The following CEP63 variants were observed in gnomAD, a reference collection of about 807,000 sequenced individuals.
The protein encoded by CEP63 is centrosomal protein of 63 kDa.
In CEP63, 84 loss-of-function variants were observed where a neutral mutation model predicts 89.1. That is an observed-to-expected ratio of 0.94 (90% CI 0.79 to 1.13). The LOEUF is 1.13. CEP63 is among the 50% of genes most tolerant of loss of function. The pLI, the probability that CEP63 is intolerant of heterozygous loss-of-function variation, is 0.00. For missense variants in CEP63, 838 were observed against 813.3 expected (o/e 1.03, Z -0.37); for synonymous variants, 267 against 272.5 (o/e 0.98, Z 0.20).
chr3:134,664,801 G>T, the CEP63 span, among the ~76,000 whole-genome samples: 1 of 151,988 alleles, frequency 6.6e-6, no homozygotes, highest in Non-Finnish European at 1.5e-5. Flanking sequence ...TGAGTAATGG[G>T]TATATTGATT....
chr3:134,749,329 C>T, the CEP63 span, among the ~76,000 whole-genome samples: 2 of 152,114 alleles, frequency 1.3e-5, no homozygotes, highest in Non-Finnish European at 2.9e-5. Flanking sequence ...CTCTGAGTAT[C>T]ACCAGATCAG....
At chr3:134,707,465 G>A in the CEP63 span, among the ~76,000 whole-genome samples, 3 of 152,194 alleles carry the variant, frequency 2.0e-5, no homozygotes, top group African/African-American at 4.8e-5. Flanking sequence ...AAAAGCAAGA[G>A]GAGATAAGGG....
At chr3:134,608,722 G>A in the CEP63 span, 1 of 1,614,052 alleles carries the variant, frequency 6.2e-7, no homozygotes, top group South Asian at 1.1e-5. Flanking sequence ...TGTGATACAT[G>A]TTGTTCTCAA....
the CEP63 span, among the ~76,000 whole-genome samples, chr3:134,593,578 C>T: frequency 6.6e-6 from 1 of 152,184 alleles, no homozygotes; most frequent in African/African-American, 2.4e-5. Flanking sequence ...TCCCCAGGCT[C>T]ATGACTGCCA....
At chr3:134,613,808 A>G in the CEP63 span, among the ~76,000 whole-genome samples, 1 of 152,168 alleles carries the variant, frequency 6.6e-6, no homozygotes, top group Admixed American at 6.5e-5. Context: ...CTCATGCAAA[A>G]TCCTCTGTAT....
chr3:134,778,242 C>T, the CEP63 span, among the ~76,000 whole-genome samples: 12 of 151,532 alleles, frequency 7.9e-5, no homozygotes, highest in African/African-American at 2.7e-4. Flanking sequence ...GGATTACAGA[C>T]GTGCACCACC....
intron 6 of CEP63, among the ~76,000 whole-genome samples, chr3:134,543,087 T>A (rs1952389717): frequency 6.6e-6 from 1 of 152,226 alleles, no homozygotes; most frequent in Non-Finnish European, 1.5e-5. Context: ...ATTAGTGTAG[T>A]GCTAATAGAT....
chr3:134,719,170 T>A, the CEP63 span, among the ~76,000 whole-genome samples: 2 of 152,110 alleles, frequency 1.3e-5, no homozygotes, highest in African/African-American at 4.8e-5. Flanking sequence ...CATCTTTTTT[T>A]TTTTCTTTTT....
At chr3:134,555,805 C>A (rs959615023) in intron 12 of CEP63, among the ~76,000 whole-genome samples, 17 of 151,932 alleles carry the variant, frequency 1.1e-4, no homozygotes, top group African/African-American at 4.1e-4. Context: ...AAAAAGAGCC[C>A]GCATCGCCAA....
At chr3:134,730,643 A>G in the CEP63 span, among the ~76,000 whole-genome samples, 1 of 152,164 alleles carries the variant, frequency 6.6e-6, no homozygotes, top group Non-Finnish European at 1.5e-5. Flanking sequence ...ATGTTTTTTC[A>G]TAACAAATCA....
At chr3:134,641,512 G>A in the CEP63 span, among the ~76,000 whole-genome samples, 1 of 152,148 alleles carries the variant, frequency 6.6e-6, no homozygotes, top group Non-Finnish European at 1.5e-5. Context: ...GCAGCCTCTA[G>A]CAGCAGGAAG....
the CEP63 span, among the ~76,000 whole-genome samples, chr3:134,766,747 G>C: frequency 3.3e-5 from 5 of 152,232 alleles, no homozygotes; most frequent in African/African-American, 1.2e-4. Flanking sequence ...TCAGAGGAGA[G>C]GGGAGGGCAG....
the CEP63 span, among the ~76,000 whole-genome samples, chr3:134,776,152 G>T: frequency 6.6e-6 from 1 of 152,144 alleles, no homozygotes; most frequent in African/African-American, 2.4e-5. Flanking sequence ...TCTCTATGGG[G>T]CCTTGACATC....
chr3:134,629,531 CAGA>C, the CEP63 span: 2 of 969,172 alleles, frequency 2.1e-6, no homozygotes, highest in East Asian at 5.3e-5. Flanking sequence ...CTCCTTCCCT[CAGA>C]AGATGCTTGG....
At chr3:134,646,693 A>C in the CEP63 span, among the ~76,000 whole-genome samples, 2 of 152,044 alleles carry the variant, frequency 1.3e-5, no homozygotes, top group African/African-American at 2.4e-5. Context: ...GTTCCTTTAC[A>C]CTGGCATTTG....
intron 3 of CEP63, among the ~76,000 whole-genome samples, chr3:134,527,092 C>T (rs900184195): frequency 1.3e-5 from 2 of 152,186 alleles, no homozygotes; most frequent in African/African-American, 4.8e-5. Context: ...TTACATGTGC[C>T]AGCAGCAGTG....
chr3:134,516,848 C>A (rs1006328563), intron 3 of CEP63, among the ~76,000 whole-genome samples: 4 of 152,320 alleles, frequency 2.6e-5, no homozygotes, highest in South Asian at 4.1e-4. Context: ...CTTCTTTCTG[C>A]ACAGACACAG....
intron 3 of CEP63, among the ~76,000 whole-genome samples, chr3:134,516,969 T>C (rs1397821453): frequency 6.6e-6 from 1 of 152,172 alleles, no homozygotes; most frequent in Non-Finnish European, 1.5e-5. Flanking sequence ...CTCTTAGATC[T>C]TAGGTCAAGG....
chr3:134,607,392 T>A, the CEP63 span: 59 of 985,482 alleles, frequency 6.0e-5, no homozygotes, highest in Non-Finnish European at 6.7e-5. Context: ...GCAATGTGGG[T>A]TGGAGCTCCC....
Sources: allele counts gnomAD v4.1 joint callset (sites outside exome capture counted in the v4.1 genomes callset), GRCh38; gene constraint gnomAD v4.1.1; transcripts MANE v1.5; gene names NCBI Gene and HGNC (gene_info 2026-07-23, HGNC 2026-07-21).